The following SMAP1 variants were observed in gnomAD, a reference collection of about 807,000 sequenced individuals.
The protein encoded by SMAP1 is small ArfGAP 1, also known as stromal membrane-associated protein 1.
Under a neutral mutation model 58.5 loss-of-function variants are expected in SMAP1, and 24 were observed. That is an observed-to-expected ratio of 0.41 (90% CI 0.30 to 0.58). The LOEUF (loss-of-function observed/expected upper bound fraction) is 0.58, where lower values mean the gene tolerates loss of function less well. Among genes scored for constraint, SMAP1 ranks in the 20% least tolerant of loss-of-function variants. The probability of loss-of-function intolerance (pLI) is 0.29; values close to 1 mark genes in which losing one functional copy is unlikely to be tolerated. For synonymous variants in SMAP1, 216 were observed against 196.6 expected (o/e 1.10, Z -0.82); for missense variants, 563 against 566.3 (o/e 0.99, Z 0.06).
At chr6:70,778,629 C>A (rs1767638160) in intron 4 of SMAP1, among the ~76,000 whole-genome samples, 2 of 152,160 alleles carry the variant, frequency 1.3e-5, no homozygotes, top group South Asian at 2.1e-4. Flanking sequence ...CCCTCAAGCC[C>A]CTGGTTGGGT....
At position 70,701,579 on chromosome 6, in the gene SMAP1, A is replaced by G. The variant is rs191845103; in HGVS notation, c.119-30799A>G. ...ATTTTCCTCTGGTTAAGGCTGGTAT[A>G]AAAGTTCCTTCCTTGGGCCCCAGCT... On this transcript the variant is annotated intron_variant, in intron 1 of 10. Transcript: ENST00000370455. Among the ~76,000 whole-genome samples the G allele has an allele frequency of 9.9e-5, 15 of 152,194 alleles. No homozygotes were observed. The East Asian group carries it at 2.5e-3, about 26-fold the overall frequency.
At chr6:70,810,445 A>G (rs1436015955) in intron 6 of SMAP1, among the ~76,000 whole-genome samples, 2 of 152,224 alleles carry the variant, frequency 1.3e-5, no homozygotes, top group Non-Finnish European at 2.9e-5. Context: ...ATGATCACTA[A>G]TGCCTTGGCA....
chr6:70,790,947 A>C lies in SMAP1; in HGVS notation c.415-742A>C, dbSNP rs556686417. 1.4e-4 allele frequency among the ~76,000 whole-genome samples: 22 copies of C among 152,344 alleles called. No individual in the cohort carries two copies. The East Asian group carries it at 3.5e-3, about 24-fold the overall frequency. Reference sequence around the variant, plus strand: ...CTTCCATTAAAGTGATCAACTACGCATGCAGAAATTGGGCAGGAAGATGTG... The same window carrying C: ...CTTCCATTAAAGTGATCAACTACGCCTGCAGAAATTGGGCAGGAAGATGTG... On this transcript the variant is annotated intron_variant, in intron 4 of 10. Transcript: ENST00000370455.
intron 3 of SMAP1, among the ~76,000 whole-genome samples, chr6:70,763,700 A>T (rs1766848731): frequency 6.6e-6 from 1 of 152,220 alleles, no homozygotes. Flanking sequence ...TCTAGTAAAC[A>T]CATGAATAAT....
At chr6:70,860,099 A>G (rs1025249728) in intron 10 of SMAP1, 101 bp from the exon 11 acceptor site, 5 of 1,322,286 alleles carry the variant, frequency 3.8e-6, no homozygotes, top group Non-Finnish European at 5.1e-6. Context: ...TGCTTGGACT[A>G]GTTGTCACAT....
intron 10 of SMAP1, chr6:70,859,378 A>G (rs1220810738): frequency 6.5e-7 from 1 of 1,549,374 alleles, no homozygotes; most frequent in Non-Finnish European, 8.7e-7. Flanking sequence ...AGTGCAATCT[A>G]CTGGCCAATG....
chr6:70,699,283 GC>G (rs1767532632), intron 1 of SMAP1, among the ~76,000 whole-genome samples: 1 of 152,144 alleles, frequency 6.6e-6, no homozygotes, highest in African/African-American at 2.4e-5. Context: ...AGAGCTTCCT[GC>G]GGCTGAGGGA....
At chr6:70,706,910 T>C (rs1326144575) in intron 1 of SMAP1, among the ~76,000 whole-genome samples, 1 of 152,196 alleles carries the variant, frequency 6.6e-6, no homozygotes, top group African/African-American at 2.4e-5. Context: ...AGCCAGTGTT[T>C]AATATAGTTT....
chr6:70,723,988 ATTGCAATGAGTTAAAT>A, intron 1 of SMAP1, among the ~76,000 whole-genome samples: 1 of 152,114 alleles, frequency 6.6e-6, no homozygotes, highest in Non-Finnish European at 1.5e-5. Context: ...AAAAAAAAAG[ATTGCAATGAGTTAAAT>A]ATCAATTCTT....
chr6:70,860,439 A>G lies in SMAP1; in HGVS notation c.*105A>G. The G allele has an allele frequency of 7.6e-7, 1 of 1,314,646 alleles. No homozygotes were observed. Among genetic ancestry groups the G allele is most frequent in the South Asian group, 1.6e-5 (1 of 64,410 alleles). 81.4% of individuals were successfully genotyped at this position (1,314,646 alleles called of 1,614,324 possible). On this transcript the variant is annotated 3_prime_UTR_variant, in exon 11 of 11. Coordinates refer to ENST00000370455, the MANE Select transcript of SMAP1 (RefSeq NM_001044305.3). ...ATGCATATTTTTTTTCTTTTTACCC[A>G]TTTGTTCATATTAAGAATGATCTGA... is the stretch of plus-strand genomic sequence containing the variant.
At chr6:70,730,423 T>A (rs1238352694) in intron 1 of SMAP1, among the ~76,000 whole-genome samples, 1 of 152,234 alleles carries the variant, frequency 6.6e-6, no homozygotes, top group East Asian at 1.9e-4. Flanking sequence ...ACCCTCCAGC[T>A]ATTGCTCTGT....
chr6:70,764,079 A>ATTT (rs796149089), intron 3 of SMAP1, among the ~76,000 whole-genome samples: 1 of 142,986 alleles, frequency 7.0e-6, no homozygotes, highest in Non-Finnish European at 1.5e-5. Flanking sequence ...TGCCCAGCTA[A>ATTT]TTTTTTTTTT....
At chr6:70,814,753 C>G (rs1198456881) in intron 6 of SMAP1, among the ~76,000 whole-genome samples, 1 of 152,092 alleles carries the variant, frequency 6.6e-6, no homozygotes, top group African/African-American at 2.4e-5. Flanking sequence ...CTGAAAAAAG[C>G]AATCTTAAGA....
At chr6:70,729,131 C>T (rs1301762735) in intron 1 of SMAP1, among the ~76,000 whole-genome samples, 1 of 151,938 alleles carries the variant, frequency 6.6e-6, no homozygotes, top group Non-Finnish European at 1.5e-5. Flanking sequence ...CTTGATACTG[C>T]AACTCTCATC....
intron 4 of SMAP1, among the ~76,000 whole-genome samples, chr6:70,787,860 C>A (rs1301130576): frequency 4.1e-4 from 62 of 151,640 alleles, no homozygotes; most frequent in African/African-American, 1.3e-3. Flanking sequence ...TGGGACTGTA[C>A]ACTAGTTCAA....
rs1182931769 is a variant in SMAP1 at position 70,861,559 on chromosome 6, G to A, written c.*1225G>A. ...AGATGACAAGAAAGGCTGCTGTACTGAAGTAAAACAAACAATACCTGAATG... is the reference window on the plus strand; with the variant it reads ...AGATGACAAGAAAGGCTGCTGTACTAAAGTAAAACAAACAATACCTGAATG... On this transcript the variant is annotated 3_prime_UTR_variant, in exon 11 of 11. Transcript: ENST00000370455. 9 of 1,023,704 alleles carry A rather than the reference G, an allele frequency of 8.8e-6. No individual in the cohort carries two copies. The highest frequency in any genetic ancestry group is 1.3e-5 in the Non-Finnish European group (9 of 679,128). The allele number at this position is 1,023,704 out of a possible 1,614,324, so 63.4% of individuals were successfully genotyped here. A position where few individuals can be genotyped will look rare whatever the true frequency, so the allele number is the denominator to read the frequency against.
At chr6:70,684,416 C>T (rs1025476683) in intron 1 of SMAP1, among the ~76,000 whole-genome samples, 1 of 152,156 alleles carries the variant, frequency 6.6e-6, no homozygotes, top group Middle Eastern at 3.4e-3. Context: ...TCCTAAGTCA[C>T]CTGGGCAAAG....
chr6:70,836,824 A>T, intron 6 of SMAP1, 117 bp from the exon 7 acceptor site: 1 of 780,916 alleles, frequency 1.3e-6, no homozygotes, highest in Non-Finnish European at 1.9e-6. Flanking sequence ...GTTTTATTAT[A>T]CTATGTTTCA....
intron 1 of SMAP1, among the ~76,000 whole-genome samples, chr6:70,717,032 A>G (rs896694964): frequency 3.3e-5 from 5 of 152,142 alleles, no homozygotes; most frequent in African/African-American, 9.7e-5. Flanking sequence ...CAGAGTTTCT[A>G]GGTACCTCTA....
Sources: gnomAD v4.1 joint callset for allele counts (sites outside exome capture counted in the v4.1 genomes callset) on GRCh38, gnomAD v4.1.1 for gene constraint, MANE v1.5 for transcripts, NCBI Gene and HGNC (gene_info 2026-07-23, HGNC 2026-07-21) for gene names.